Variants in SUSD1 observed in about 807,000 individuals in gnomAD.
SUSD1 encodes sushi domain containing 1.
SUSD1 carries 65 observed loss-of-function variants against 86.9 expected under a neutral mutation model. That is an observed-to-expected ratio of 0.75 (90% CI 0.61 to 0.92). The LOEUF (loss-of-function observed/expected upper bound fraction) is 0.92, where lower values mean the gene tolerates loss of function less well. Among genes scored for constraint, SUSD1 ranks in the 40% least tolerant of loss-of-function variants. SUSD1 has a pLI of 0.00. For synonymous variants in SUSD1, 346 were observed against 350.0 expected (o/e 0.99, Z 0.13); for missense variants, 850 against 929.7 (o/e 0.91, Z 1.11).
intron 12 of SUSD1, among the ~76,000 whole-genome samples, chr9:112,066,660 T>C (rs1009406949): frequency 3.3e-5 from 5 of 152,116 alleles, no homozygotes; most frequent in African/African-American, 1.2e-4. Flanking sequence ...CGTGTTGTCT[T>C]TTCATATGTT....
chr9:112,072,686 T>G (rs1458841685), intron 12 of SUSD1, among the ~76,000 whole-genome samples: 1 of 152,200 alleles, frequency 6.6e-6, no homozygotes, highest in East Asian at 1.9e-4. Context: ...GCTTGGGGTT[T>G]GTTTTGAAGC....
At chr9:112,065,258 C>G (rs1194111985) in intron 12 of SUSD1, among the ~76,000 whole-genome samples, 1 of 152,152 alleles carries the variant, frequency 6.6e-6, no homozygotes, top group East Asian at 1.9e-4. Context: ...GACAGTGGCT[C>G]ATGCCTGTAA....
chr9:112,090,325 C>A (rs1830155617), intron 10 of SUSD1, among the ~76,000 whole-genome samples: 1 of 152,080 alleles, frequency 6.6e-6, no homozygotes, highest in Admixed American at 6.6e-5. Context: ...AAAGCTTAAA[C>A]CGACCAATTT....
intron 5 of SUSD1, among the ~76,000 whole-genome samples, chr9:112,129,918 A>G (rs1831942937): frequency 6.6e-6 from 1 of 152,246 alleles, no homozygotes; most frequent in East Asian, 1.9e-4. Flanking sequence ...ATACGTCTAA[A>G]TAACAGGACA....
intron 14 of SUSD1, among the ~76,000 whole-genome samples, chr9:112,054,928 G>A (rs547719596): frequency 2.0e-5 from 3 of 152,244 alleles, no homozygotes; most frequent in Non-Finnish European, 4.4e-5. Context: ...TGCAAATCAC[G>A]TATTTCACAA....
chr9:112,100,022 G>A (rs908680748), intron 9 of SUSD1, among the ~76,000 whole-genome samples: 2 of 152,150 alleles, frequency 1.3e-5, no homozygotes, highest in African/African-American at 4.8e-5. Flanking sequence ...TCCACGGTCT[G>A]GCAGTCCCCT....
At chr9:112,103,116 A>C (rs1218163772) in intron 8 of SUSD1, 1 of 458,250 alleles carries the variant, frequency 2.2e-6, no homozygotes, top group African/African-American at 2.0e-5. Flanking sequence ...GAGAGAAGCT[A>C]TTTTATAACT....
At chr9:112,148,209 G>A (rs1453653660) in intron 3 of SUSD1, among the ~76,000 whole-genome samples, 1 of 152,146 alleles carries the variant, frequency 6.6e-6, no homozygotes, top group Non-Finnish European at 1.5e-5. Context: ...GGCTTTTTCT[G>A]CCTTTCCTCT....
chr9:112,065,155 G>A (rs187601291), intron 12 of SUSD1, among the ~76,000 whole-genome samples: 2 of 152,290 alleles, frequency 1.3e-5, no homozygotes, highest in East Asian at 3.9e-4. Flanking sequence ...TCACCTTGGG[G>A]TATCTTAAAC....
Position 112,124,250 on chromosome 9 carries a change from TCTGTAC to T in SUSD1, c.886+1_886+6del, listed in dbSNP as rs748890367. On this transcript the variant is annotated splice_donor_variant and splice_donor_5th_base_variant and intron_variant, in intron 6 of 16. Coordinates refer to ENST00000374270, the MANE Select transcript of SUSD1 (RefSeq NM_022486.5). LOFTEE classifies it high-confidence loss of function. ...TGGGTAGCAGGAGCCCAGAACAGAA[TCTGTAC>T]CTGTGCATGTTAAAGTACTTTCTCT... 6.2e-7 allele frequency: 1 copy of T among 1,609,588 alleles called. No individual in the cohort carries two copies. Among genetic ancestry groups the T allele is most frequent in the East Asian group, 2.2e-5 (1 of 44,824 alleles).
At chr9:112,163,348 T>C (rs374292968) in intron 1 of SUSD1, among the ~76,000 whole-genome samples, 7 of 152,140 alleles carry the variant, frequency 4.6e-5, no homozygotes, top group African/African-American at 1.4e-4. Flanking sequence ...ATTTACTTTT[T>C]TAGAGACAGG....
At chr9:112,078,811 C>CTTTTTTTTTTTT (rs71496739) in intron 11 of SUSD1, 87 bp from the exon 12 acceptor site, 31 of 641,422 alleles carry the variant, frequency 4.8e-5, no homozygotes, top group African/African-American at 3.6e-4. Flanking sequence ...TTTTCTTTCT[C>CTTTTTTTTTTTT]TTTTTTTTTT....
intron 1 of SUSD1, among the ~76,000 whole-genome samples, chr9:112,172,919 T>C (rs889988940): frequency 1.3e-5 from 2 of 152,242 alleles, no homozygotes; most frequent in Admixed American, 1.3e-4. Flanking sequence ...AGGTTGAACA[T>C]GAAGGGAGAA....
At chr9:112,111,931 AT>A in intron 7 of SUSD1, 91 bp from the exon 8 acceptor site, 1 of 1,329,860 alleles carries the variant, frequency 7.5e-7, no homozygotes, top group Non-Finnish European at 1.0e-6. Context: ...CTACTATTCT[AT>A]TTTATACTGT....
intron 14 of SUSD1, among the ~76,000 whole-genome samples, chr9:112,054,533 G>A (rs574652525): frequency 6.6e-6 from 1 of 151,800 alleles, no homozygotes; most frequent in Non-Finnish European, 1.5e-5. Context: ...GCTGCAGTGA[G>A]CCATGATTGC....
chr9:112,056,710 T>TTGTGTG (rs58974133), intron 14 of SUSD1, among the ~76,000 whole-genome samples: 5 of 146,920 alleles, frequency 3.4e-5, no homozygotes, highest in African/African-American at 7.6e-5. Context: ...CCAGAATTCT[T>TTGTGTG]TGTGTGTGTG....
intron 1 of SUSD1, among the ~76,000 whole-genome samples, chr9:112,166,598 T>C (rs1429576614): frequency 6.6e-6 from 1 of 152,150 alleles, no homozygotes; most frequent in Non-Finnish European, 1.5e-5. Flanking sequence ...GATTGCCACA[T>C]AGCACAGCTG....
intron 1 of SUSD1, among the ~76,000 whole-genome samples, chr9:112,171,761 TC>T (rs1834055622): frequency 1.3e-5 from 2 of 152,210 alleles, no homozygotes; most frequent in South Asian, 4.1e-4. Flanking sequence ...TTTTGCTTTT[TC>T]ATTTTTCCCC....
At chr9:112,066,073 G>T (rs749968738) in intron 12 of SUSD1, among the ~76,000 whole-genome samples, 3 of 152,174 alleles carry the variant, frequency 2.0e-5, no homozygotes, top group Non-Finnish European at 2.9e-5. Context: ...ACTAGAAGAC[G>T]GCCGGCCGAG....
Sources: allele counts gnomAD v4.1 joint callset (sites outside exome capture counted in the v4.1 genomes callset), GRCh38; gene constraint gnomAD v4.1.1; transcripts MANE v1.5; gene names NCBI Gene and HGNC (gene_info 2026-07-23, HGNC 2026-07-21).